The following ACLY variants were observed in gnomAD, a reference collection of about 807,000 sequenced individuals.
ACLY encodes ATP-citrate synthase.
ACLY carries 41 observed loss-of-function variants against 133.0 expected under a neutral mutation model. The ratio of observed to expected loss-of-function variants is 0.31; its 90% CI spans 0.24 to 0.40. The LOEUF is 0.40. Among genes scored for constraint, ACLY ranks in the 10% least tolerant of loss-of-function variants. The probability of loss-of-function intolerance (pLI) is 1.00; values close to 1 mark genes in which losing one functional copy is unlikely to be tolerated. For synonymous variants in ACLY, 495 were observed against 549.3 expected, an observed-to-expected ratio of 0.90 and a Z score of 1.38; for missense variants, 1,046 against 1,453.8, an observed-to-expected ratio of 0.72 and a Z score of 4.56.
In ACLY at chr17:41,905,512, A is replaced by C. The variant is rs2144375957; in HGVS notation, c.1003+10T>G. 2 of 1,614,156 alleles carry C rather than the reference A, an allele frequency of 1.2e-6. No individual in the cohort carries two copies. The highest frequency in any genetic ancestry group is 1.7e-6 in the Non-Finnish European group (2 of 1,180,020). On this transcript the variant is annotated intron_variant, in intron 9 of 28. Coordinates refer to ENST00000352035, the MANE Select transcript of ACLY (RefSeq NM_001096.3). ...GTGGGGACAGGTATGTGTGTGTGCA[A>C]GTATCTCACCATCTGGGTGCTTCTC...
intron 13 of ACLY, among the ~76,000 whole-genome samples, chr17:41,897,237 G>C (rs1386232894): frequency 6.6e-6 from 1 of 152,082 alleles, no homozygotes; most frequent in East Asian, 1.9e-4. Context: ...TCTACACGGA[G>C]AGAAAAATTA....
At chr17:41,894,216 C>CA (rs58375126) in intron 14 of ACLY, among the ~76,000 whole-genome samples, 68 of 102,662 alleles carry the variant, frequency 6.6e-4, no homozygotes, top group African/African-American at 1.6e-3. Flanking sequence ...GACTCCATCT[C>CA]AAAAAAAAAA....
intron 21 of ACLY, among the ~76,000 whole-genome samples, chr17:41,878,531 T>G (rs1555626569): frequency 6.6e-6 from 1 of 151,932 alleles, no homozygotes; most frequent in Non-Finnish European, 1.5e-5. Context: ...CATGTGGCGC[T>G]CTCATCTATG....
chr17:41,884,354 G>T, intron 18 of ACLY, 80 bp from the exon 19 acceptor site: 2 of 915,586 alleles, frequency 2.2e-6, no homozygotes, highest in Non-Finnish European at 3.6e-6. Context: ...AAGCACACTT[G>T]TACTGGGTAC....
intron 16 of ACLY, among the ~76,000 whole-genome samples, chr17:41,890,000 T>C (rs1323907812): frequency 2.0e-5 from 3 of 152,136 alleles, no homozygotes; most frequent in African/African-American, 7.2e-5. Context: ...GATGCAGTAG[T>C]TCAACTTCTA....
chr17:41,869,768 C>T (rs2048553247), intron 25 of ACLY, among the ~76,000 whole-genome samples, 181 bp from the exon 26 acceptor site: 1 of 152,086 alleles, frequency 6.6e-6, no homozygotes. Flanking sequence ...CTTTTGAAGT[C>T]CTCTCATATC....
chr17:41,892,781 ATCC>A (rs2144311990), intron 15 of ACLY, among the ~76,000 whole-genome samples: 2 of 152,086 alleles, frequency 1.3e-5, no homozygotes, highest in Non-Finnish European at 2.9e-5. Context: ...GGCTCAGGCA[ATCC>A]TCCTGCCTCA....
chr17:41,929,593 T>G (rs1383138049), intron 1 of ACLY, among the ~76,000 whole-genome samples: 9 of 152,218 alleles, frequency 5.9e-5, no homozygotes, highest in African/African-American at 2.2e-4. Flanking sequence ...AAGTGGCCGT[T>G]ACTTGTTTAT....
chr17:41,893,020 T>C lies in ACLY; in HGVS notation c.1601+13A>G. On this transcript the variant is annotated intron_variant, in intron 15 of 28. Transcript: ENST00000352035. ...CAGAGGAAGGAGATATTTCCCGCCA[T>C]GGGGTAACTCACGTGAAAGGGTAGA... 6.2e-7 allele frequency: 1 copy of C among 1,610,686 alleles called. No individual in the cohort carries two copies. The highest frequency in any genetic ancestry group is 8.5e-7 in the Non-Finnish European group (1 of 1,177,916).
intron 3 of ACLY, among the ~76,000 whole-genome samples, chr17:41,910,863 CGCCTG>C (rs1435637248): frequency 1.3e-5 from 2 of 152,204 alleles, no homozygotes; most frequent in African/African-American, 4.8e-5. Context: ...CCAAAACCCC[CGCCTG>C]GCCTGTGCGT....
At chr17:41,919,578 G>T (rs2050149814), upstream of ACLY, among the ~76,000 whole-genome samples, 1 of 152,218 alleles carries the variant, frequency 6.6e-6, no homozygotes, top group Non-Finnish European at 1.5e-5. Context: ...ATAAGGCAGG[G>T]GCCGCGGTAA....
intron 1 of ACLY, among the ~76,000 whole-genome samples, chr17:41,926,557 T>G (rs4796740): frequency 6.6e-6 from 1 of 151,544 alleles, no homozygotes; most frequent in Non-Finnish European, 1.5e-5. Flanking sequence ...GGCACGATCT[T>G]GGCTCACTGC....
At chr17:41,922,225 A>G (rs562369323), upstream of ACLY, among the ~76,000 whole-genome samples, 82 of 151,800 alleles carry the variant, frequency 5.4e-4, no homozygotes, top group Non-Finnish European at 8.4e-4. Context: ...AAAAATACAA[A>G]AAAAATAGCC....
At chr17:41,910,137 G>C (rs570296803) in intron 4 of ACLY, 85 bp downstream of exon 4, 1 of 1,371,166 alleles carries the variant, frequency 7.3e-7, no homozygotes, top group Non-Finnish European at 1.0e-6. Context: ...GTCCTCATCA[G>C]CTTGACTTCT....
intron 4 of ACLY, 81 bp downstream of exon 4, chr17:41,910,141 G>T: frequency 7.2e-7 from 1 of 1,396,606 alleles, no homozygotes; most frequent in South Asian, 1.2e-5. Flanking sequence ...TCATCAGCTT[G>T]ACTTCTTTCC....
Position 41,872,157 on chromosome 17 carries a change from T to C in ACLY, c.2668A>G (p.Ile890Val), listed in dbSNP as rs41275673. Residue 890 changes from isoleucine (I) to valine (V), a missense_variant, in exon 24 of 29, where the codon ATT (isoleucine) becomes GTT (valine). Ile to Val is a conservative substitution (Grantham distance 29). This residue lies in a region of ACLY where 205 missense variants were observed against 373.3 expected (regional missense o/e 0.55). Transcript: ENST00000352035. ...KRLPKYSCQF[I>V]EMCLMVTADH... ...GCTGTCACCATCAGACACATCTCAA[T>C]GAACTGGCAAGAGTACTTAGGCAAC... 3 of 1,613,830 alleles carry C rather than the reference T, an allele frequency of 1.9e-6. No homozygotes were observed. Among genetic ancestry groups the C allele is most frequent in the Non-Finnish European group, 2.5e-6 (3 of 1,180,010 alleles).
chr17:41,897,630 A>C (rs1042322393), intron 13 of ACLY, 119 bp downstream of exon 13: 31 of 978,394 alleles, frequency 3.2e-5, no homozygotes, highest in Non-Finnish European at 4.6e-5. Context: ...CCCATTGCAA[A>C]ACCCAAACCG....
At chr17:41,871,433 AC>A (rs1393413213) in intron 25 of ACLY, among the ~76,000 whole-genome samples, 1 of 148,978 alleles carries the variant, frequency 6.7e-6, no homozygotes, top group Non-Finnish European at 1.5e-5. Context: ...GCTCACCACA[AC>A]CTCCACTTCC....
chr17:41,892,666 C>T (rs2049247765), intron 15 of ACLY, among the ~76,000 whole-genome samples: 1 of 151,934 alleles, frequency 6.6e-6, no homozygotes, highest in Non-Finnish European at 1.5e-5. Flanking sequence ...CTCACTGACT[C>T]CTCAAGCCTT....
Sources: gnomAD v4.1 joint callset for allele counts (sites outside exome capture counted in the v4.1 genomes callset) on GRCh38, gnomAD v4.1.1 for gene constraint, gnomAD v4.1.1 regional missense constraint, MANE v1.5 for transcripts, NCBI Gene and HGNC (gene_info 2026-07-23, HGNC 2026-07-21) for gene names.